Variants in CCSER1 observed in about 807,000 individuals in gnomAD.
CCSER1 encodes the protein serine-rich coiled-coil domain-containing protein 1.
CCSER1 carries 41 observed loss-of-function variants against 82.0 expected under a neutral mutation model. The ratio of observed to expected loss-of-function variants is 0.50; its 90% CI spans 0.39 to 0.65. CCSER1 has a LOEUF of 0.65. Ranked by LOEUF, CCSER1 falls within the 30% of genes least tolerant of loss-of-function variation. The pLI is 0.00. For synonymous variants in CCSER1, 414 were observed against 383.9 expected, an observed-to-expected ratio of 1.08 and a Z score of -0.92; for missense variants, 1,119 against 1,064.2, an observed-to-expected ratio of 1.05 and a Z score of -0.72.
At chr4:90,705,213 T>C (rs1580049761) in intron 6 of CCSER1, among the ~76,000 whole-genome samples, 1 of 152,320 alleles carries the variant, frequency 6.6e-6, no homozygotes, top group South Asian at 2.1e-4. Context: ...CAGCTGCAGG[T>C]CTGTTGGAGT....
At chr4:91,319,522 A>G in intron 10 of CCSER1, 1 of 389,788 alleles carries the variant, frequency 2.6e-6, no homozygotes, top group South Asian at 1.9e-5. Flanking sequence ...TGTTATGGAT[A>G]AGAAAATGGC....
intron 5 of CCSER1, among the ~76,000 whole-genome samples, chr4:90,570,330 C>T (rs1396960851): frequency 3.9e-5 from 6 of 152,174 alleles, no homozygotes; most frequent in African/African-American, 1.4e-4. Context: ...GAGGGAGATC[C>T]ATTGGGTTGG....
intron 10 of CCSER1, among the ~76,000 whole-genome samples, chr4:91,582,943 G>A (rs140204848): frequency 2.1e-3 from 311 of 151,272 alleles, no homozygotes; most frequent in Non-Finnish European, 3.5e-3. Context: ...GAAAATTTTA[G>A]AACTAATTTC....
intron 9 of CCSER1, among the ~76,000 whole-genome samples, chr4:91,078,978 A>G (rs531390203): frequency 2.5e-3 from 382 of 152,332 alleles, no homozygotes; most frequent in Non-Finnish European, 4.7e-3. Context: ...TGATGGGGAG[A>G]ATGGAACCAA....
At chr4:90,787,463 C>A (rs554488239) in intron 7 of CCSER1, among the ~76,000 whole-genome samples, 4 of 152,286 alleles carry the variant, frequency 2.6e-5, no homozygotes, top group Non-Finnish European at 4.4e-5. Context: ...CATTTACTAT[C>A]ATTGAATAAC....
At chr4:91,059,748 C>G (rs936077914) in intron 9 of CCSER1, among the ~76,000 whole-genome samples, 2 of 151,956 alleles carry the variant, frequency 1.3e-5, no homozygotes, top group African/African-American at 4.8e-5. Flanking sequence ...ACTAATTCCA[C>G]CTAGCATGAG....
chr4:91,594,462 CATATATACAT>C (rs749195962), intron 10 of CCSER1, among the ~76,000 whole-genome samples: 17 of 147,712 alleles, frequency 1.2e-4, no homozygotes, highest in South Asian at 2.1e-4. Context: ...TATATACACA[CATATATACAT>C]ATATATACAT....
chr4:90,251,704 A>G (rs72877744), intron 1 of CCSER1, among the ~76,000 whole-genome samples: 6,807 of 151,620 alleles, frequency 0.045, 397 homozygotes, highest in African/African-American at 0.13. Context: ...AGAGTTTTCT[A>G]TTTACTCTGA....
Position 91,323,999 on chromosome 4 carries a change from G to A in CCSER1, c.2217+238005G>A, listed in dbSNP as rs11730658. 4.5e-4 allele frequency among the ~76,000 whole-genome samples: 69 copies of A among 152,220 alleles called. 1 individual carries two copies. In the East Asian group the frequency reaches 7.1e-3, roughly 16 times the overall value. On this transcript the variant is annotated intron_variant, in intron 10 of 10. Transcript: ENST00000509176. ...ACTTTTGGTAAACATTCTGAAGAAA[G>A]GCATGCATTTGACATACAGCGACAT... is the stretch of plus-strand genomic sequence containing the variant.
intron 10 of CCSER1, among the ~76,000 whole-genome samples, chr4:91,492,117 G>A (rs996151002): frequency 6.6e-6 from 1 of 151,824 alleles, no homozygotes. Flanking sequence ...ATTTCTCTCT[G>A]TCAGCCTGCT....
Position 91,157,229 on chromosome 4 carries a change from C to T in CCSER1, c.2217+71235C>T, listed in dbSNP as rs143450143. Among the ~76,000 whole-genome samples the T allele has an allele frequency of 1.3e-3, 201 of 151,810 alleles. 3 individuals are homozygous for T. Among genetic ancestry groups the T allele is most frequent in the Non-Finnish European group, 2.3e-3 (157 of 67,852 alleles). ...AGCCAAAACTTATGTTGTTGTTATT[C>T]GAAATCAGACTTATTTACCAGAACT... On this transcript the variant is annotated intron_variant, in intron 10 of 10. Coordinates refer to ENST00000509176, the MANE Select transcript of CCSER1 (RefSeq NM_001145065.2).
At chr4:90,367,250 A>G (rs1746437165) in intron 3 of CCSER1, among the ~76,000 whole-genome samples, 1 of 152,004 alleles carries the variant, frequency 6.6e-6, no homozygotes, top group Non-Finnish European at 1.5e-5. Flanking sequence ...TACAAACAGA[A>G]GAAAATTCCC....
chr4:91,099,648 G>C (rs564962793), intron 10 of CCSER1, among the ~76,000 whole-genome samples: 49 of 152,210 alleles, frequency 3.2e-4, no homozygotes, highest in African/African-American at 1.1e-3. Context: ...CCAGAAAGGT[G>C]GGACAACTCA....
intron 10 of CCSER1, among the ~76,000 whole-genome samples, chr4:91,094,635 A>G (rs1724315819): frequency 6.6e-6 from 1 of 152,162 alleles, no homozygotes; most frequent in African/African-American, 2.4e-5. Flanking sequence ...GGAACCGGAT[A>G]CTGCTTTTGT....
At chr4:91,152,628 A>G (rs1024941280) in intron 10 of CCSER1, among the ~76,000 whole-genome samples, 23 of 152,102 alleles carry the variant, frequency 1.5e-4, no homozygotes, top group African/African-American at 5.1e-4. Flanking sequence ...GGTCTTCACA[A>G]TTTGGCATGT....
At chr4:91,212,863 G>A (rs975167997) in intron 10 of CCSER1, among the ~76,000 whole-genome samples, 3 of 152,004 alleles carry the variant, frequency 2.0e-5, no homozygotes, top group Admixed American at 6.6e-5. Context: ...TACCCAATAG[G>A]TAGTTTTTCA....
At chr4:90,701,692 C>G (rs1475091938) in intron 6 of CCSER1, among the ~76,000 whole-genome samples, 2 of 151,770 alleles carry the variant, frequency 1.3e-5, no homozygotes, top group African/African-American at 4.8e-5. Flanking sequence ...CCTTCACATC[C>G]TTTGTAAGTT....
At chr4:90,142,201 T>C (rs1355245742) in intron 1 of CCSER1, among the ~76,000 whole-genome samples, 2 of 152,226 alleles carry the variant, frequency 1.3e-5, no homozygotes, top group East Asian at 1.9e-4. Flanking sequence ...ACAGATCTTC[T>C]ACTTTGTTAA....
At chr4:90,429,399 C>T (rs556880739) in intron 4 of CCSER1, among the ~76,000 whole-genome samples, 16 of 151,870 alleles carry the variant, frequency 1.1e-4, no homozygotes, top group African/African-American at 3.6e-4. Context: ...ACTATCTGCA[C>T]ATGTGAAATT....
Sources: gnomAD v4.1 joint callset for allele counts (sites outside exome capture counted in the v4.1 genomes callset) on GRCh38, gnomAD v4.1.1 for gene constraint, MANE v1.5 for transcripts, NCBI Gene and HGNC (gene_info 2026-07-23, HGNC 2026-07-21) for gene names.